The following DPP10 variants were observed in gnomAD, a reference collection of about 807,000 sequenced individuals.
DPP10 encodes the protein inactive dipeptidyl peptidase 10.
DPP10 carries 33 observed loss-of-function variants against 120.9 expected under a neutral mutation model. The ratio of observed to expected loss-of-function variants is 0.27; its 90% CI spans 0.21 to 0.37. DPP10 has a LOEUF of 0.37. Ranked by LOEUF, DPP10 falls within the 10% of genes least tolerant of loss-of-function variation. The pLI is 1.00. For synonymous variants in DPP10, 337 were observed against 326.1 expected, an observed-to-expected ratio of 1.03 and a Z score of -0.36; for missense variants, 816 against 942.8, an observed-to-expected ratio of 0.87 and a Z score of 1.76.
At chr2:114,656,321 G>C (rs1026426628) in intron 1 of DPP10, among the ~76,000 whole-genome samples, 1 of 151,754 alleles carries the variant, frequency 6.6e-6, no homozygotes, top group Non-Finnish European at 1.5e-5. Flanking sequence ...ATTTTTTTTG[G>C]AACAAGATCA....
intron 5 of DPP10, among the ~76,000 whole-genome samples, chr2:115,587,331 C>G (rs1490237167): frequency 6.6e-6 from 1 of 152,000 alleles, no homozygotes. Context: ...ATCTCCTGAC[C>G]TCATGATCCG....
chr2:114,961,033 CTTTTTTTTTTTTTTTTTTTTTTTT>C (rs772146022), intron 1 of DPP10, among the ~76,000 whole-genome samples: 2 of 52,004 alleles, frequency 3.8e-5, no homozygotes, highest in South Asian at 8.2e-4. Context: ...CTCTATACGC[CTTTTTTTTTTTTTTTTTTTTTTTT>C]TTTTTTTTTT....
intron 5 of DPP10, among the ~76,000 whole-genome samples, chr2:115,570,570 G>C (rs1027645621): frequency 7.2e-5 from 11 of 152,158 alleles, no homozygotes; most frequent in Non-Finnish European, 1.3e-4. Context: ...TCCTCCACCT[G>C]CCATCTCGCT....
intron 7 of DPP10, among the ~76,000 whole-genome samples, chr2:115,724,338 C>T (rs1377932689): frequency 6.6e-6 from 1 of 152,122 alleles, no homozygotes; most frequent in African/African-American, 2.4e-5. Flanking sequence ...GTAGTTGTGG[C>T]AGAAGAGAAG....
At chr2:114,573,014 G>A (rs1689775652) in intron 1 of DPP10, among the ~76,000 whole-genome samples, 1 of 152,166 alleles carries the variant, frequency 6.6e-6, no homozygotes, top group Admixed American at 6.5e-5. Context: ...ACAAGGTCTT[G>A]CTGTGTTGTC....
At chr2:114,607,402 G>A (rs1692904141) in intron 1 of DPP10, among the ~76,000 whole-genome samples, 1 of 152,170 alleles carries the variant, frequency 6.6e-6, no homozygotes, top group Non-Finnish European at 1.5e-5. Context: ...ACCTTGGGGT[G>A]TAATGGGCTA....
At chr2:115,709,838 G>A (rs1196440402) in intron 7 of DPP10, among the ~76,000 whole-genome samples, 1 of 151,920 alleles carries the variant, frequency 6.6e-6, no homozygotes, top group Non-Finnish European at 1.5e-5. Context: ...AATCTCAGAA[G>A]AAAAGGAGAG....
At chr2:115,206,835 TC>T (rs2056166271) in intron 1 of DPP10, among the ~76,000 whole-genome samples, 1 of 152,200 alleles carries the variant, frequency 6.6e-6, no homozygotes, top group Non-Finnish European at 1.5e-5. Flanking sequence ...ATGCTATTTG[TC>T]CAATCTAGAT....
At position 115,791,190 on chromosome 2, in the gene DPP10, G is replaced by C. The variant is rs747052323; in HGVS notation, c.1630+11G>C. ...ATATTGACGACTATGGTAAAATTTTGTGCATGCTATGTTATTCAAGAACAA... is the reference window on the plus strand; with the variant it reads ...ATATTGACGACTATGGTAAAATTTTCTGCATGCTATGTTATTCAAGAACAA... On this transcript the variant is annotated intron_variant, in intron 18 of 25. Transcript: ENST00000410059. 3.1e-6 allele frequency: 5 copies of C among 1,611,526 alleles called. No homozygotes were observed. In the South Asian group the frequency reaches 5.5e-5, roughly 18 times the overall value.
chr2:115,548,205 G>C (rs2079630927), intron 5 of DPP10, among the ~76,000 whole-genome samples: 1 of 152,110 alleles, frequency 6.6e-6, no homozygotes, highest in South Asian at 2.1e-4. Flanking sequence ...CATAATCACT[G>C]TTTAGATATT....
intron 1 of DPP10, among the ~76,000 whole-genome samples, chr2:114,735,740 A>G (rs1013761676): frequency 1.3e-5 from 2 of 152,076 alleles, no homozygotes; most frequent in Non-Finnish European, 2.9e-5. Context: ...GCTTTCTGAA[A>G]AAGAAGCACA....
At chr2:115,820,158 G>C (rs959138877) in intron 21 of DPP10, among the ~76,000 whole-genome samples, 1 of 151,984 alleles carries the variant, frequency 6.6e-6, no homozygotes, top group South Asian at 2.1e-4. Flanking sequence ...TTATTTTTAT[G>C]TCAAATTGAA....
chr2:115,003,175 A>AT (rs1450051879), intron 1 of DPP10, among the ~76,000 whole-genome samples: 18 of 34,342 alleles, frequency 5.2e-4, no homozygotes, highest in Non-Finnish European at 1.2e-3. Flanking sequence ...CTATGTAGCT[A>AT]TAAAAAAAAA....
At chr2:115,779,868 G>A (rs1270972376) in intron 15 of DPP10, among the ~76,000 whole-genome samples, 1 of 151,886 alleles carries the variant, frequency 6.6e-6, no homozygotes, top group Non-Finnish European at 1.5e-5. Context: ...ATTGTTTTGA[G>A]TATTATAAGG....
intron 1 of DPP10, among the ~76,000 whole-genome samples, chr2:115,307,869 G>A (rs766078720): frequency 3.3e-5 from 5 of 152,066 alleles, no homozygotes; most frequent in Non-Finnish European, 7.4e-5. Flanking sequence ...TGGAAAATAT[G>A]AATGAGAATC....
chr2:115,005,842 A>G (rs868708440), intron 1 of DPP10, among the ~76,000 whole-genome samples: 1,745 of 152,294 alleles, frequency 0.011, 20 homozygotes, highest in African/African-American at 0.039. Flanking sequence ...GCAGGCCAAC[A>G]TTCAGATTCA....
Position 115,374,958 on chromosome 2 carries a change from C to G in DPP10, c.271+31046C>G, listed in dbSNP as rs184039242. ...ATGGGAGGGGCTATTGTGAAGATCT[C>G]TGACATGCCCTGAAGACATTTTTCT... is the stretch of plus-strand genomic sequence containing the variant. On this transcript the variant is annotated intron_variant, in intron 3 of 25. Transcript: ENST00000410059. 1.7e-3 allele frequency among the ~76,000 whole-genome samples: 252 copies of G among 152,316 alleles called. 1 individual carries two copies. Among genetic ancestry groups the G allele is most frequent in the African/African-American group, 5.9e-3 (245 of 41,570 alleles).
chr2:115,202,182 GCC>G (rs1471622910), intron 1 of DPP10, among the ~76,000 whole-genome samples: 1 of 152,074 alleles, frequency 6.6e-6, no homozygotes, highest in Non-Finnish European at 1.5e-5. Context: ...TCCTGCCTCA[GCC>G]TCCTAAAGTG....
intron 1 of DPP10, among the ~76,000 whole-genome samples, chr2:114,634,863 A>T (rs978622504): frequency 2.6e-5 from 4 of 151,832 alleles, no homozygotes; most frequent in Admixed American, 2.0e-4. Flanking sequence ...TGTTGATCTG[A>T]TCTATGTTAT....
Sources: gnomAD v4.1 joint callset for allele counts (sites outside exome capture counted in the v4.1 genomes callset) on GRCh38, gnomAD v4.1.1 for gene constraint, MANE v1.5 for transcripts, NCBI Gene and HGNC (gene_info 2026-07-23, HGNC 2026-07-21) for gene names.